ADAP1: variants seen among roughly 807,000 people sequenced by gnomAD.
The protein encoded by ADAP1 is arf-GAP with dual PH domain-containing protein 1.
ADAP1 carries 31 observed loss-of-function variants against 54.9 expected under a neutral mutation model. That is an observed-to-expected ratio of 0.56 (90% CI 0.42 to 0.76). The LOEUF (loss-of-function observed/expected upper bound fraction) is 0.76, where lower values mean the gene tolerates loss of function less well. Among genes scored for constraint, ADAP1 ranks in the 30% least tolerant of loss-of-function variants. ADAP1 has a pLI of 0.00. For missense variants in ADAP1, 535 were observed against 512.4 expected, an observed-to-expected ratio of 1.04 and a Z score of -0.42; for synonymous variants, 313 against 202.6, an observed-to-expected ratio of 1.55 and a Z score of -4.63.
chr7:934,730 C>T (rs924672277), intron 2 of ADAP1, among the ~76,000 whole-genome samples: 2 of 152,198 alleles, frequency 1.3e-5, no homozygotes, highest in Non-Finnish European at 2.9e-5. Context: ...CCCTGCACGC[C>T]AGGGCTTCCT....
At position 900,174 on chromosome 7, in the gene ADAP1, G is replaced by C; in HGVS notation, c.733-10C>G. ...AGAGCTTTGGCACCAGCTAGGGCAGGACACACCAGGCAGGGGACCTCAGAA... is the reference window on the plus strand; with the variant it reads ...AGAGCTTTGGCACCAGCTAGGGCAGCACACACCAGGCAGGGGACCTCAGAA... On this transcript the variant is annotated splice_polypyrimidine_tract_variant and intron_variant, in intron 7 of 10. Transcript: ENST00000265846. 2 of 1,613,036 alleles carry C rather than the reference G, an allele frequency of 1.2e-6. No individual in the cohort carries two copies. The highest frequency in any genetic ancestry group is 1.1e-5 in the South Asian group (1 of 91,080).
intron 3 of ADAP1, among the ~76,000 whole-genome samples, chr7:924,062 G>A (rs767969676): frequency 8.1e-3 from 147 of 18,092 alleles, no homozygotes; most frequent in African/African-American, 0.015. Flanking sequence ...CCCGCCCTCC[G>A]GGTTACACTG....
At chr7:925,361 TAAAAAAAA>T (rs5881885) in intron 3 of ADAP1, among the ~76,000 whole-genome samples, 1,135 of 111,338 alleles carry the variant, frequency 0.01, 29 homozygotes, top group African/African-American at 0.037. Flanking sequence ...TCTCTATATT[TAAAAAAAA>T]AAAAAAAAAA....
At chr7:930,127 A>AAAAACC (rs1846522730) in intron 2 of ADAP1, among the ~76,000 whole-genome samples, 2 of 141,952 alleles carry the variant, frequency 1.4e-5, no homozygotes, top group African/African-American at 5.3e-5. Flanking sequence ...AAAAAAAAAA[A>AAAAACC]CCCTCAGGCA....
At chr7:910,002 C>T (rs1057509195) in intron 4 of ADAP1, among the ~76,000 whole-genome samples, 5 of 152,210 alleles carry the variant, frequency 3.3e-5, no homozygotes, top group Non-Finnish European at 5.9e-5. Context: ...GCCCACCGCA[C>T]GGCTAAGAGC....
chr7:932,507 A>C (rs562344067), intron 2 of ADAP1, among the ~76,000 whole-genome samples: 3 of 152,194 alleles, frequency 2.0e-5, no homozygotes, highest in African/African-American at 7.2e-5. Context: ...TTCCTCCAGG[A>C]GTGATGGCAG....
Position 954,484 on chromosome 7 carries a change from G to C in ADAP1, c.-7C>G. The C allele has an allele frequency of 9.8e-7, 1 of 1,024,944 alleles. No individual in the cohort carries two copies. The highest frequency in any genetic ancestry group is 1.7e-5 in the African/African-American group (1 of 57,524). 63.5% of individuals were successfully genotyped at this position (1,024,944 alleles called of 1,614,324 possible). A position where few individuals can be genotyped will look rare whatever the true frequency, so the allele number is the denominator to read the frequency against. On this transcript the variant is annotated 5_prime_UTR_variant, in exon 1 of 11. It adds an upstream start codon to the 5' untranslated region. Coordinates refer to ENST00000265846, the MANE Select transcript of ADAP1 (RefSeq NM_006869.4). ...TGCGCCGCTCCTTGGCCATGGCCGC[G>C]ATGCGCCCGCGATGCCGATGCCGGG...
intron 4 of ADAP1, among the ~76,000 whole-genome samples, chr7:911,105 G>A (rs908851364): frequency 9.2e-5 from 14 of 152,184 alleles, no homozygotes; most frequent in African/African-American, 3.1e-4. Context: ...CCAGCGGGCC[G>A]TATCCTGCGG....
At chr7:929,795 A>G (rs1167650731) in intron 2 of ADAP1, among the ~76,000 whole-genome samples, 1 of 152,050 alleles carries the variant, frequency 6.6e-6, no homozygotes, top group Non-Finnish European at 1.5e-5. Flanking sequence ...TACCTCAACA[A>G]AGCTGTTATT....
intron 1 of ADAP1, 43 bp from the exon 2 acceptor site, chr7:935,548 AC>A: frequency 1.3e-6 from 2 of 1,549,618 alleles, no homozygotes; most frequent in South Asian, 1.2e-5. Flanking sequence ...CAGCCCAGGG[AC>A]CCCGGAGGGA....
chr7:910,601 T>G (rs1845683757), intron 4 of ADAP1, among the ~76,000 whole-genome samples: 1 of 152,198 alleles, frequency 6.6e-6, no homozygotes, highest in Non-Finnish European at 1.5e-5. Flanking sequence ...CTAAATAGGA[T>G]ATGCAAAGTA....
chr7:948,686 C>T (rs926137932), intron 1 of ADAP1, among the ~76,000 whole-genome samples: 4 of 151,994 alleles, frequency 2.6e-5, no homozygotes, highest in African/African-American at 7.2e-5. Context: ...TACGGGGCAT[C>T]CAAGATTCTA....
chr7:906,727 AC>A (rs1428013627), intron 4 of ADAP1, among the ~76,000 whole-genome samples: 421 of 14,464 alleles, frequency 0.029, 27 homozygotes, highest in East Asian at 0.1. Flanking sequence ...CGGGGACGGG[AC>A]ATGGGGGACA....
chr7:900,344 C>T (rs1031948358), intron 7 of ADAP1, among the ~76,000 whole-genome samples, 180 bp from the exon 8 acceptor site: 3 of 152,150 alleles, frequency 2.0e-5, no homozygotes, highest in Non-Finnish European at 4.4e-5. Flanking sequence ...TCCCCGCTTT[C>T]CCCTTTGGCT....
intron 5 of ADAP1, among the ~76,000 whole-genome samples, chr7:904,653 T>C (rs540264365): frequency 6.6e-6 from 1 of 152,332 alleles, no homozygotes; most frequent in East Asian, 1.9e-4. Context: ...CCCATGGGTC[T>C]GGGGCCACCT....
At chr7:909,635 G>A (rs1401253021) in intron 4 of ADAP1, among the ~76,000 whole-genome samples, 2 of 152,236 alleles carry the variant, frequency 1.3e-5, no homozygotes, top group African/African-American at 4.8e-5. Context: ...GCCCCCAGTC[G>A]GCACCAGCAA....
At chr7:943,647 GAGTGAGGAGGAAGGGAATGAGGAGGAGGA>G in intron 1 of ADAP1, among the ~76,000 whole-genome samples, 15 of 27,594 alleles carry the variant, frequency 5.4e-4, no homozygotes, top group Non-Finnish European at 8.8e-4. Flanking sequence ...AGGAGGAAGG[GAGTGAGGAGGAAGGGAATGAGGAGGAGGA>G]AGAGAGGAGG....
At chr7:909,362 T>A (rs11984206) in intron 4 of ADAP1, among the ~76,000 whole-genome samples, 675 of 57,750 alleles carry the variant, frequency 0.012, 34 homozygotes, top group East Asian at 0.081. Flanking sequence ...GGAACCCCGG[T>A]CCTCCCGACA....
chr7:924,649 C>T (rs927420861), intron 3 of ADAP1, among the ~76,000 whole-genome samples: 5 of 150,942 alleles, frequency 3.3e-5, no homozygotes, highest in African/African-American at 1.2e-4. Flanking sequence ...GGGATTCACA[C>T]CCCACCCCAG....
Sources: allele counts gnomAD v4.1 joint callset (sites outside exome capture counted in the v4.1 genomes callset), GRCh38; gene constraint gnomAD v4.1.1; transcripts MANE v1.5; gene names NCBI Gene and HGNC (gene_info 2026-07-23, HGNC 2026-07-21).